UBE3C: variants seen among roughly 807,000 people sequenced by gnomAD.
UBE3C encodes ubiquitin-protein ligase E3C.
In UBE3C, 42 loss-of-function variants were observed where a neutral mutation model predicts 129.4. The observed-to-expected ratio is 0.32, with a 90% CI of 0.25 to 0.42. The LOEUF is 0.42. Ranked by LOEUF, UBE3C falls within the 10% of genes least tolerant of loss-of-function variation. The pLI is 1.00. For missense variants in UBE3C, 1,049 were observed against 1,319.1 expected (o/e 0.80, Z 3.17); for synonymous variants, 510 against 492.4 (o/e 1.04, Z -0.47).
chr7:157,255,892 TAGA>T (rs1239909548), intron 21 of UBE3C, among the ~76,000 whole-genome samples: 1 of 152,176 alleles, frequency 6.6e-6, no homozygotes, highest in Non-Finnish European at 1.5e-5. Flanking sequence ...GATAATAAGT[TAGA>T]AGGAAAGATG....
In UBE3C at chr7:157,208,055, C is replaced by CTTTTTTTTTTTTTTT. The variant is rs35366316; in HGVS notation, c.1809+143_1809+157dup. On this transcript the variant is annotated intron_variant, in intron 13 of 22. Coordinates refer to ENST00000348165, the MANE Select transcript of UBE3C (RefSeq NM_014671.3). ...TTCAGACATGTTTTAATTTGCAAGA[C>CTTTTTTTTTTTTTTT]TTTTTTTTTTTTTTTTTTTTTTTTT... 5.4e-5 allele frequency: 5 copies of CTTTTTTTTTTTTTTT among 91,930 alleles called. 1 individual carries two copies. The highest frequency in any genetic ancestry group is 1.0e-4 in the Non-Finnish European group (4 of 38,284). 5.7% of individuals were successfully genotyped at this position (91,930 alleles called of 1,614,324 possible).
intron 22 of UBE3C, chr7:157,263,232 TC>T (rs1796967658): frequency 8.4e-6 from 1 of 119,578 alleles, no homozygotes; most frequent in South Asian, 2.3e-4. Context: ...AACACCACCT[TC>T]CCCGGGCACC....
intron 14 of UBE3C, 36 bp downstream of exon 14, chr7:157,217,007 A>C: frequency 1.3e-6 from 2 of 1,497,112 alleles, no homozygotes; most frequent in Non-Finnish European, 1.8e-6. Flanking sequence ...TTTATCATTA[A>C]AAAATACATT....
At chr7:157,153,494 C>T (rs1040843418) in intron 1 of UBE3C, among the ~76,000 whole-genome samples, 6 of 152,136 alleles carry the variant, frequency 3.9e-5, no homozygotes, top group Admixed American at 1.3e-4. Flanking sequence ...CCAGGTCTCA[C>T]GGCGTTGCCC....
At position 157,268,528 on chromosome 7, in the gene UBE3C, C is replaced by A. The variant is rs1797139155; in HGVS notation, c.*773C>A. 6.6e-6 allele frequency: 1 copy of A among 152,574 alleles called. No individual in the cohort carries two copies. The highest frequency in any genetic ancestry group is 2.4e-5 in the African/African-American group (1 of 41,428). The allele number at this position is 152,574 out of a possible 1,614,324, so 9.5% of individuals were successfully genotyped here. Reference sequence around the variant, plus strand: ...CTGCAACATCTGTCACCCACTATACCCAGTTACTTGGGGGAGGACAGACAC... The same window carrying A: ...CTGCAACATCTGTCACCCACTATACACAGTTACTTGGGGGAGGACAGACAC... On this transcript the variant is annotated 3_prime_UTR_variant, in exon 23 of 23. Coordinates refer to ENST00000348165, the MANE Select transcript of UBE3C (RefSeq NM_014671.3).
intron 18 of UBE3C, 31 bp from the exon 19 acceptor site, chr7:157,248,337 A>G: frequency 6.3e-7 from 1 of 1,593,530 alleles, no homozygotes; most frequent in South Asian, 1.1e-5. Flanking sequence ...TGTATATTCG[A>G]TGCTAACGTT....
At chr7:157,201,169 C>G (rs912343266) in intron 10 of UBE3C, among the ~76,000 whole-genome samples, 3 of 151,568 alleles carry the variant, frequency 2.0e-5, no homozygotes, top group Non-Finnish European at 2.9e-5. Flanking sequence ...ACTAAAAATA[C>G]AAAAATTAGC....
intron 4 of UBE3C, among the ~76,000 whole-genome samples, chr7:157,172,732 C>T (rs1808411179): frequency 1.3e-5 from 2 of 152,282 alleles, no homozygotes; most frequent in Non-Finnish European, 2.9e-5. Flanking sequence ...AATAGTACAA[C>T]GGCAGATAAT....
chr7:157,242,608 A>G (rs1796368440), intron 18 of UBE3C, among the ~76,000 whole-genome samples: 1 of 145,790 alleles, frequency 6.9e-6, no homozygotes, highest in African/African-American at 2.5e-5. Context: ...GCTTCTTGTC[A>G]GTGGAAGTGG....
chr7:157,202,921 A>G (rs1809331241), intron 11 of UBE3C, among the ~76,000 whole-genome samples: 1 of 152,164 alleles, frequency 6.6e-6, no homozygotes, highest in Non-Finnish European at 1.5e-5. Flanking sequence ...TAGAAGAAAG[A>G]ATTTTTGGTG....
chr7:157,245,451 G>A (rs904858430), intron 18 of UBE3C, among the ~76,000 whole-genome samples: 25 of 152,154 alleles, frequency 1.6e-4, no homozygotes, highest in African/African-American at 6.0e-4. Context: ...AAGTGATGCC[G>A]TTTATCAGTG....
chr7:157,237,009 G>A (rs1313878240), intron 18 of UBE3C, among the ~76,000 whole-genome samples: 4 of 152,242 alleles, frequency 2.6e-5, no homozygotes, highest in Admixed American at 1.3e-4. Context: ...TGGCATTACA[G>A]GCGTGAGCCA....
intron 1 of UBE3C, among the ~76,000 whole-genome samples, chr7:157,149,453 A>G (rs146308446): frequency 2.0e-5 from 3 of 152,288 alleles, no homozygotes; most frequent in Non-Finnish European, 4.4e-5. Context: ...TTGGACATTA[A>G]ATCTGGGCCT....
At chr7:157,201,841 AG>A (rs1317471158) in intron 11 of UBE3C, 34 bp downstream of exon 11, 1 of 1,555,732 alleles carries the variant, frequency 6.4e-7, no homozygotes, top group Non-Finnish European at 8.8e-7. Flanking sequence ...ATTGAGCTCA[AG>A]GGCACAGGAA....
chr7:157,242,523 T>G (rs1018831622), intron 18 of UBE3C, among the ~76,000 whole-genome samples: 1 of 146,930 alleles, frequency 6.8e-6, no homozygotes, highest in South Asian at 2.2e-4. Context: ...TGTTTTTTTT[T>G]TTTTTTTTTT....
intron 11 of UBE3C, among the ~76,000 whole-genome samples, chr7:157,206,427 T>A (rs1285089495): frequency 1.3e-5 from 2 of 151,896 alleles, no homozygotes; most frequent in Non-Finnish European, 2.9e-5. Context: ...CACACCCAGC[T>A]AATTTTTTGT....
At position 157,225,533 on chromosome 7, in the gene UBE3C, G is replaced by GA; in HGVS notation, c.2231dup (p.Asn744LysfsTer2). On this transcript the variant is annotated frameshift_variant, in exon 17 of 23. Coordinates refer to ENST00000348165, the MANE Select transcript of UBE3C (RefSeq NM_014671.3). LOFTEE classifies it high-confidence loss of function. ...AGATGCTTATGACAAACTTTCTCCA[G>GA]AAAATGGTATATATAATTCTTTCTG... 2 of 1,584,540 alleles carry GA rather than the reference G, an allele frequency of 1.3e-6. No individual in the cohort carries two copies. Among genetic ancestry groups the GA allele is most frequent in the Non-Finnish European group, 1.7e-6 (2 of 1,171,706 alleles).
intron 2 of UBE3C, among the ~76,000 whole-genome samples, chr7:157,166,609 G>C (rs1176649211): frequency 6.6e-6 from 1 of 151,718 alleles, no homozygotes; most frequent in African/African-American, 2.4e-5. Context: ...GCATGCTGGC[G>C]CATGCCTGTA....
chr7:157,207,603 G>T, intron 12 of UBE3C, 48 bp downstream of exon 12: 1 of 1,597,178 alleles, frequency 6.3e-7, no homozygotes. Context: ...TGGCCCATCA[G>T]TTTTCATAGA....
Sources: allele counts gnomAD v4.1 joint callset (sites outside exome capture counted in the v4.1 genomes callset), GRCh38; gene constraint gnomAD v4.1.1; transcripts MANE v1.5; gene names NCBI Gene and HGNC (gene_info 2026-07-23, HGNC 2026-07-21).